Variants in ADAR observed in about 807,000 individuals in gnomAD.
ADAR encodes the protein adenosine deaminase RNA specific, also known as double-stranded RNA-specific adenosine deaminase.
Under a neutral mutation model 113.2 loss-of-function variants are expected in ADAR, and 41 were observed. The ratio of observed to expected loss-of-function variants is 0.36; its 90% confidence interval spans 0.28 to 0.47. The LOEUF is 0.47. Ranked by LOEUF, ADAR falls within the 20% of genes least tolerant of loss-of-function variation. ADAR has a pLI of 1.00. For synonymous variants in ADAR, 605 were observed against 572.6 expected (o/e 1.06, Z -0.81); for missense variants, 1,242 against 1,540.9 (o/e 0.81, Z 3.25).
intron 10 of ADAR, 113 bp downstream of exon 10, chr1:154,588,438 G>C: frequency 6.6e-7 from 1 of 1,518,498 alleles, no homozygotes; most frequent in East Asian, 2.2e-5. Context: ...CAAACCCACA[G>C]TGGAGTGTGG....
At chr1:154,610,924 T>C (rs1030013437), upstream of ADAR, among the ~76,000 whole-genome samples, 1 of 152,002 alleles carries the variant, frequency 6.6e-6, no homozygotes, top group Non-Finnish European at 1.5e-5. Context: ...GGTGATGTTC[T>C]AGCTCTTGAC....
chr1:154,626,122 G>GTTT (rs200091076), intron 1 of ADAR, among the ~76,000 whole-genome samples: 10 of 138,080 alleles, frequency 7.2e-5, no homozygotes, highest in Non-Finnish European at 9.5e-5. Flanking sequence ...AATAAAGTGA[G>GTTT]TTTTTTTTTT....
At chr1:154,596,343 A>G (rs939265577) in intron 6 of ADAR, among the ~76,000 whole-genome samples, 1 of 98,788 alleles carries the variant, frequency 1.0e-5, no homozygotes, top group African/African-American at 3.8e-5. Context: ...CCCAGCTTCA[A>G]TCAATTCTCC....
At chr1:154,615,636 A>T (rs143182248) in intron 1 of ADAR, among the ~76,000 whole-genome samples, 1 of 151,972 alleles carries the variant, frequency 6.6e-6, no homozygotes, top group East Asian at 1.9e-4. Flanking sequence ...CCAGTCACGA[A>T]CTCCTGGGCT....
chr1:154,621,949 G>C (rs1275402915), intron 1 of ADAR, among the ~76,000 whole-genome samples: 3 of 152,190 alleles, frequency 2.0e-5, no homozygotes, highest in Non-Finnish European at 4.4e-5. Context: ...AGAAAGAAAG[G>C]GGTATTTTTT....
chr1:154,601,955 C>A lies in ADAR; in HGVS notation c.687G>T (p.Pro229=), dbSNP rs762320645. The A allele has an allele frequency of 6.2e-7, 1 of 1,607,718 alleles. No homozygotes were observed. The highest frequency in any genetic ancestry group is 1.1e-5 in the South Asian group (1 of 90,756). Residue 229 remains proline (P), a synonymous_variant, in exon 2 of 15, where the codon CCG becomes CCT. Transcript: ENST00000368474. The surrounding 1 kb of genome is among the most constrained non-coding windows in gnomAD (Gnocchi z 4.7). ...GAPNSDPSLE[P]EDRNSTSVSE... ...AGACAGATGTGGAGTTTCTGTCTTC[C>A]GGTTCCAAACTCGGGTCTGAGTTTG...
chr1:154,599,761 T>A (rs1338157314), intron 2 of ADAR, among the ~76,000 whole-genome samples: 1 of 152,248 alleles, frequency 6.6e-6, no homozygotes, highest in Non-Finnish European at 1.5e-5. Context: ...TCCACTGGCC[T>A]ATTAGGACCT....
chr1:154,588,532 C>CA lies in ADAR; in HGVS notation c.2885+18dup, dbSNP rs762694073. On this transcript the variant is annotated intron_variant, in intron 10 of 14. Transcript: ENST00000368474. Reference sequence around the variant, plus strand: ...AGCCTGGCAGGGCCCACCCTGGCAGCAACAGGAACTGTACAGACCTGATAT... The same window carrying CA: ...AGCCTGGCAGGGCCCACCCTGGCAGCAAACAGGAACTGTACAGACCTGATAT... 1.2e-6 allele frequency: 2 copies of CA among 1,613,118 alleles called. No individual in the cohort carries two copies. The highest frequency in any genetic ancestry group is 2.7e-5 in the African/African-American group (2 of 74,912).
intron 3 of ADAR, 38 bp downstream of exon 3, chr1:154,598,364 A>G: frequency 6.2e-7 from 1 of 1,605,458 alleles, no homozygotes. Context: ...AGACACTGAC[A>G]GGGAACTGAT....
At chr1:154,599,911 C>T (rs1054515300) in intron 2 of ADAR, among the ~76,000 whole-genome samples, 1 of 152,184 alleles carries the variant, frequency 6.6e-6, no homozygotes, top group South Asian at 2.1e-4. Flanking sequence ...GGCAGGCAGC[C>T]GTGCACACGC....
Position 154,602,402 on chromosome 1 carries a change from G to A in ADAR, c.240C>T (p.Ala80=), listed in dbSNP as rs878896045. Residue 80 remains alanine (A), a synonymous_variant, in exon 2 of 15, where the codon GCC becomes GCT. Transcript: ENST00000368474. The part of the protein sequence containing the change: ...GLRPRFPVLL[A]SSTRGRQVDI... Reference sequence around the variant, plus strand: ...CCACTTGCCTGCCTCTGGTACTGGAGGCAAGTAGTACTGGAAACCTTGGCC... The same window carrying A: ...CCACTTGCCTGCCTCTGGTACTGGAAGCAAGTAGTACTGGAAACCTTGGCC... 1 of 1,604,954 alleles carries A rather than the reference G, an allele frequency of 6.2e-7. No individual in the cohort carries two copies. The highest frequency in any genetic ancestry group is 1.1e-5 in the South Asian group (1 of 89,726).
At chr1:154,608,864 C>G (rs903241472), upstream of ADAR, 1 of 148,246 alleles carries the variant, frequency 6.7e-6, no homozygotes, top group Admixed American at 7.0e-5. Context: ...GCGCAGATCT[C>G]GTCAAACGAC....
chr1:154,600,870 G>A, intron 2 of ADAR, 171 bp downstream of exon 2: 1 of 933,824 alleles, frequency 1.1e-6, no homozygotes, highest in South Asian at 1.5e-5. Context: ...TATATTCCCT[G>A]CTCAATATCT....
chr1:154,597,124 T>C lies in ADAR; in HGVS notation c.2078A>G (p.Gln693Arg), dbSNP rs779515559. The change falls in exon 5 of 15, where the codon CAG becomes CGG. Residue 693 changes from glutamine (Q) to arginine (R), a missense_variant and splice_region_variant. Around this residue, in one of 2 missense-constraint regions of ADAR, gnomAD observed 780 missense variants for 1,057.9 expected, o/e 0.74. Coordinates refer to ENST00000368474, the MANE Select transcript of ADAR (RefSeq NM_001111.5). ...EATNSMASDN[Q>R]PEGMISESLD... ...CTTTTGAGTAGGAAAACGCCCTACC[T>C]GGTTATCAGAAGCCATGGAGTTGGT... 6 of 1,614,190 alleles carry C rather than the reference T, an allele frequency of 3.7e-6. No homozygotes were observed. The South Asian group carries it at 6.6e-5, about 18-fold the overall frequency.
chr1:154,614,303 G>A (rs1698574249), intron 1 of ADAR, among the ~76,000 whole-genome samples: 1 of 152,344 alleles, frequency 6.6e-6, no homozygotes, highest in South Asian at 2.1e-4. Context: ...GCACCTGACT[G>A]ACTTCTGGCC....
chr1:154,600,496 T>TG (rs1697797582), intron 2 of ADAR: 2 of 153,692 alleles, frequency 1.3e-5, no homozygotes, highest in South Asian at 1.8e-4. Flanking sequence ...TTTTTTGAGA[T>TG]GGAGTCTTGC....
intron 1 of ADAR, among the ~76,000 whole-genome samples, chr1:154,625,584 C>T (rs768956344): frequency 9.9e-5 from 15 of 152,232 alleles, no homozygotes; most frequent in African/African-American, 3.6e-4. Flanking sequence ...AAAGGCCTGG[C>T]GCGGTGGCTC....
At chr1:154,607,791 C>G (rs1698296883) in intron 1 of ADAR, among the ~76,000 whole-genome samples, 1 of 150,824 alleles carries the variant, frequency 6.6e-6, no homozygotes, top group South Asian at 2.1e-4. Flanking sequence ...AGCAATGCTG[C>G]TTGGCAAGAC....
chr1:154,588,573 C>G lies in ADAR; in HGVS notation c.2863G>C (p.Val955Leu), dbSNP rs1696920679. 6.2e-7 allele frequency: 1 copy of G among 1,614,136 alleles called. No individual in the cohort carries two copies. Among genetic ancestry groups the G allele is most frequent in the Non-Finnish European group, 8.5e-7 (1 of 1,180,036 alleles). Residue 955 changes from valine (V) to leucine (L), a missense_variant, in exon 10 of 15, where the codon GTG becomes CTG. By Grantham distance (32) the Val-to-Leu change is conservative (BLOSUM62 1). Transcript: ENST00000368474. Reference sequence around the variant, plus strand: ...GACCTGATATACAGATGGAATGACACAGTCTTTTTTATTTGGAGCTTTTCT... The same window carrying G: ...GACCTGATATACAGATGGAATGACAGAGTCTTTTTTATTTGGAGCTTTTCT... Reference protein sequence around the residue: ...GGEKLQIKKTVSFHLYISTAP... With the variant: ...GGEKLQIKKTLSFHLYISTAP...
Sources: allele counts gnomAD v4.1 joint callset (sites outside exome capture counted in the v4.1 genomes callset), GRCh38; gene constraint gnomAD v4.1.1; regional missense constraint gnomAD v4.1.1; non-coding constraint Gnocchi (gnomAD v3.1); transcripts MANE v1.5; gene names NCBI Gene and HGNC (gene_info 2026-07-23, HGNC 2026-07-21).